The following DPYD variants were observed in gnomAD, a reference collection of about 807,000 sequenced individuals.
DPYD encodes the protein dihydropyrimidine dehydrogenase [NADP(+)].
A neutral mutation model predicts 116.2 loss-of-function variants in DPYD; 109 were observed. The observed-to-expected ratio is 0.94, with a 90% CI of 0.80 to 1.10. The LOEUF is 1.10. Among genes scored for constraint, DPYD ranks in the 50% least tolerant of loss-of-function variants. The pLI, the probability that DPYD is intolerant of heterozygous loss-of-function variation, is 0.00. For missense variants in DPYD, 1,302 were observed against 1,254.5 expected, an observed-to-expected ratio of 1.04 and a Z score of -0.57; for synonymous variants, 440 against 432.0, an observed-to-expected ratio of 1.02 and a Z score of -0.23.
intron 20 of DPYD, among the ~76,000 whole-genome samples, chr1:97,128,441 C>A (rs1031880822): frequency 6.6e-6 from 1 of 152,018 alleles, no homozygotes; most frequent in Non-Finnish European, 1.5e-5. Context: ...TAGAGTTATC[C>A]GTGCCTAATA....
At chr1:97,277,653 C>T (rs1665034337) in intron 18 of DPYD, among the ~76,000 whole-genome samples, 1 of 152,140 alleles carries the variant, frequency 6.6e-6, no homozygotes, top group Admixed American at 6.6e-5. Flanking sequence ...AACATTCTCC[C>T]TCCTCCAATT....
At chr1:97,735,819 G>A (rs2101058978) in intron 4 of DPYD, among the ~76,000 whole-genome samples, 1 of 151,766 alleles carries the variant, frequency 6.6e-6, no homozygotes, top group South Asian at 2.1e-4. Flanking sequence ...TATAATTGTA[G>A]CTCAAAACTC....
In DPYD at chr1:97,104,627, T is replaced by A. The variant is rs922584699; in HGVS notation, c.2623-5995A>T. Among the ~76,000 whole-genome samples, 4 of 152,174 alleles carry A rather than the reference T, an allele frequency of 2.6e-5. No individual in the cohort carries two copies. In the South Asian group the frequency reaches 8.3e-4, roughly 32 times the overall value. On this transcript the variant is annotated intron_variant, in intron 20 of 22. Coordinates refer to ENST00000370192, the MANE Select transcript of DPYD (RefSeq NM_000110.4). ...TCTGAAGGATAAGGTGAAGGTAGGA[T>A]GGCAAGTGGTGCAGTGGAGGCGTGA... is the stretch of plus-strand genomic sequence containing the variant.
intron 18 of DPYD, among the ~76,000 whole-genome samples, chr1:97,243,805 C>A (rs1662536198): frequency 6.6e-6 from 1 of 151,834 alleles, no homozygotes; most frequent in African/African-American, 2.4e-5. Flanking sequence ...TTTATTATAC[C>A]TGTATTTATT....
intron 20 of DPYD, among the ~76,000 whole-genome samples, chr1:97,124,683 G>A (rs1293432713): frequency 6.6e-6 from 1 of 152,106 alleles, no homozygotes; most frequent in Admixed American, 6.6e-5. Flanking sequence ...AGTCCACTGA[G>A]GAAAGTTAGA....
chr1:97,293,852 G>C (rs1666362415), intron 18 of DPYD, among the ~76,000 whole-genome samples: 1 of 149,664 alleles, frequency 6.7e-6, no homozygotes, highest in Admixed American at 6.7e-5. Flanking sequence ...GGAAGCTGAG[G>C]CATGAGAATC....
At chr1:97,758,773 T>G (rs961107499) in intron 3 of DPYD, among the ~76,000 whole-genome samples, 1 of 152,210 alleles carries the variant, frequency 6.6e-6, no homozygotes, top group Admixed American at 6.6e-5. Context: ...CATTTATTTC[T>G]ATCCCTATCA....
At chr1:97,223,566 C>G (rs914000395) in intron 19 of DPYD, among the ~76,000 whole-genome samples, 1 of 151,856 alleles carries the variant, frequency 6.6e-6, no homozygotes, top group Non-Finnish European at 1.5e-5. Flanking sequence ...ATTATAGAAA[C>G]CTACAGTCAT....
chr1:97,098,286 C>G (rs1377388363), intron 21 of DPYD, among the ~76,000 whole-genome samples: 5 of 151,844 alleles, frequency 3.3e-5, no homozygotes, highest in Non-Finnish European at 7.4e-5. Context: ...TGCCAGTGTT[C>G]TAAAAAGTAT....
At chr1:97,289,630 T>C (rs1015762064) in intron 18 of DPYD, among the ~76,000 whole-genome samples, 59 of 152,106 alleles carry the variant, frequency 3.9e-4, no homozygotes, top group African/African-American at 1.2e-3. Context: ...TTTGACAAAA[T>C]TTAACAACCC....
chr1:97,850,620 GA>G (rs1558007676), intron 2 of DPYD, among the ~76,000 whole-genome samples: 5 of 152,002 alleles, frequency 3.3e-5, no homozygotes, highest in African/African-American at 1.2e-4. Flanking sequence ...AAGGAAAAAT[GA>G]GAAGAAGAAG....
At chr1:97,379,397 T>G (rs914942764) in intron 15 of DPYD, among the ~76,000 whole-genome samples, 1 of 152,220 alleles carries the variant, frequency 6.6e-6, no homozygotes, top group African/African-American at 2.4e-5. Context: ...TTGGTAATGA[T>G]GCATTTTGGA....
At chr1:97,243,866 C>G (rs927919627) in intron 18 of DPYD, among the ~76,000 whole-genome samples, 9 of 151,480 alleles carry the variant, frequency 5.9e-5, no homozygotes, top group African/African-American at 2.2e-4. Flanking sequence ...TAAAAGTATC[C>G]CAGTTCAGAT....
intron 2 of DPYD, among the ~76,000 whole-genome samples, chr1:97,836,838 T>C: frequency 6.6e-6 from 1 of 152,224 alleles, no homozygotes; most frequent in African/African-American, 2.4e-5. Context: ...TGATTTTTGT[T>C]TACAAAGAAA....
Position 97,674,658 on chromosome 1 carries a change from T to TAA in DPYD, c.850+4435_850+4436dup, listed in dbSNP as rs547677002. On this transcript the variant is annotated intron_variant, in intron 8 of 22. Coordinates refer to ENST00000370192, the MANE Select transcript of DPYD (RefSeq NM_000110.4). Reference sequence around the variant, plus strand: ...TAGAATAAAATTACCCACAGAACTTTAAAAAAAAAAAAAGGAACTATACCC... The same window carrying TAA: ...TAGAATAAAATTACCCACAGAACTTTAAAAAAAAAAAAAAAGGAACTATACCC... Among the ~76,000 whole-genome samples the TAA allele has an allele frequency of 1.4e-4, 20 of 141,756 alleles. No homozygotes were observed. In the East Asian group the frequency reaches 3.2e-3, roughly 23 times the overall value. The allele number at this position is 141,756 out of a possible 152,430, so 93.0% of individuals were successfully genotyped here.
intron 15 of DPYD, among the ~76,000 whole-genome samples, chr1:97,374,811 C>T (rs1043724541): frequency 6.7e-6 from 1 of 148,618 alleles, no homozygotes; most frequent in African/African-American, 2.5e-5. Context: ...GGGAGGATTG[C>T]CTGAGCTTAG....
At chr1:97,576,181 A>G (rs188166396) in intron 10 of DPYD, among the ~76,000 whole-genome samples, 57 of 152,276 alleles carry the variant, frequency 3.7e-4, no homozygotes, top group African/African-American at 1.3e-3. Context: ...GCCACATATC[A>G]CCTTATAACT....
Position 97,078,698 on chromosome 1 carries a change from A to T in DPYD, c.*278T>A. 2.4e-6 allele frequency: 1 copy of T among 422,794 alleles called. No homozygotes were observed. Among genetic ancestry groups the T allele is most frequent in the Non-Finnish European group, 4.4e-6 (1 of 228,450 alleles). 26.2% of individuals were successfully genotyped at this position (422,794 alleles called of 1,614,324 possible). A position where few individuals can be genotyped will look rare whatever the true frequency, so the allele number is the denominator to read the frequency against. On this transcript the variant is annotated 3_prime_UTR_variant, in exon 23 of 23. Coordinates refer to ENST00000370192, the MANE Select transcript of DPYD (RefSeq NM_000110.4). ...ATTGCCACAAAAAAGTTAATTTTTC[A>T]CATAAGACAACTGGCAGTGAACATC...
intron 4 of DPYD, among the ~76,000 whole-genome samples, chr1:97,731,649 C>T (rs908659331): frequency 6.6e-6 from 1 of 151,942 alleles, no homozygotes; most frequent in East Asian, 1.9e-4. Flanking sequence ...TATCAAGCAG[C>T]TGTGTCATTA....
Sources: gnomAD v4.1 joint callset for allele counts (sites outside exome capture counted in the v4.1 genomes callset) on GRCh38, gnomAD v4.1.1 for gene constraint, MANE v1.5 for transcripts, NCBI Gene and HGNC (gene_info 2026-07-23, HGNC 2026-07-21) for gene names.